The following TBXAS1 variants were observed in gnomAD, a reference collection of about 807,000 sequenced individuals.
TBXAS1 encodes thromboxane-A synthase.
Under a neutral mutation model 60.7 loss-of-function variants are expected in TBXAS1, and 48 were observed. That is an observed-to-expected ratio of 0.79 (90% confidence interval 0.63 to 1.01). The LOEUF (loss-of-function observed/expected upper bound fraction) is 1.01, where lower values mean the gene tolerates loss of function less well. Among genes scored for constraint, TBXAS1 ranks in the 50% least tolerant of loss-of-function variants. The pLI is 0.00. For synonymous variants in TBXAS1, 287 were observed against 269.7 expected (o/e 1.06, Z -0.63); for missense variants, 685 against 686.3 (o/e 1.00, Z 0.02).
intron 4 of TBXAS1, among the ~76,000 whole-genome samples, chr7:139,925,020 T>C (rs1282040997): frequency 6.6e-6 from 1 of 152,230 alleles, no homozygotes; most frequent in Non-Finnish European, 1.5e-5. Flanking sequence ...TCTATGTGTC[T>C]GGTTTTATGC....
intron 4 of TBXAS1, among the ~76,000 whole-genome samples, chr7:139,818,352 C>G (rs1480435116): frequency 6.6e-6 from 1 of 152,148 alleles, no homozygotes; most frequent in African/African-American, 2.4e-5. Context: ...CCAGTACAGA[C>G]AGGGATGGAA....
At chr7:139,875,970 C>A in intron 3 of TBXAS1, 1 of 395,168 alleles carries the variant, frequency 2.5e-6, no homozygotes, top group Non-Finnish European at 4.8e-6. Context: ...TGCCTCAGAG[C>A]ACAAACTGTC....
chr7:139,936,061 T>C (rs1210484449), intron 4 of TBXAS1, 130 bp from the exon 5 acceptor site: 1 of 844,268 alleles, frequency 1.2e-6, no homozygotes, highest in African/African-American at 1.7e-5. Flanking sequence ...TCTCTCTCCT[T>C]GCAAGAGAAA....
At chr7:139,844,004 G>T (rs1799639083) in intron 1 of TBXAS1, among the ~76,000 whole-genome samples, 1 of 152,212 alleles carries the variant, frequency 6.6e-6, no homozygotes, top group Non-Finnish European at 1.5e-5. Flanking sequence ...GGTTTTCTAG[G>T]CTGTGAGCTG....
intron 5 of TBXAS1, among the ~76,000 whole-genome samples, chr7:139,941,725 A>G (rs558022588): frequency 6.6e-6 from 1 of 152,214 alleles, no homozygotes; most frequent in Non-Finnish European, 1.5e-5. Flanking sequence ...GTAGATTTAG[A>G]TTTTCACAGT....
chr7:140,015,806 C>T lies in TBXAS1; in HGVS notation c.1310C>T (p.Ala437Val), dbSNP rs568856853. 81 of 1,613,704 alleles carry T rather than the reference C, an allele frequency of 5.0e-5. No individual in the cohort carries two copies. In the South Asian group the frequency reaches 7.7e-4, roughly 15 times the overall value. ...AGAVLEMAVG[A>V]LHHDPEHWPS... ...GCTGTGCTAGAGATGGCCGTGGGTG[C>T]CCTGCACCATGACCCTGAGCACTGG... Residue 437 changes from alanine to valine, a missense_variant, in exon 11 of 13, where the codon GCC becomes GTC. Ala to Val is a moderately conservative substitution (Grantham distance 64). Coordinates refer to ENST00000448866, the MANE Select transcript of TBXAS1 (RefSeq NM_001061.7).
chr7:140,018,867 TAAG>T (rs1815308313), intron 12 of TBXAS1, among the ~76,000 whole-genome samples: 1 of 152,182 alleles, frequency 6.6e-6, no homozygotes, highest in South Asian at 2.1e-4. Flanking sequence ...AGCAAATGGA[TAAG>T]CAGCCAGAGA....
At chr7:139,840,014 TAGAG>T (rs769927728) in intron 1 of TBXAS1, among the ~76,000 whole-genome samples, 48 of 148,994 alleles carry the variant, frequency 3.2e-4, no homozygotes, top group Non-Finnish European at 5.6e-4. Flanking sequence ...AGATTTCAGA[TAGAG>T]AGTGAGTTAG....
Position 140,018,738 on chromosome 7 carries a change from CT to C in TBXAS1, c.1527+906del, listed in dbSNP as rs375949249. On this transcript the variant is annotated intron_variant, in intron 12 of 12. Coordinates refer to ENST00000448866, the MANE Select transcript of TBXAS1 (RefSeq NM_001061.7). ...ACTTGCCTAAGGCCACACAGCAGGA[CT>C]GCAGGCTTCGTGATGGCAGGGACCC... 3.7e-4 allele frequency among the ~76,000 whole-genome samples: 56 copies of C among 152,384 alleles called. 1 individual carries two copies. The South Asian group carries it at 8.9e-3, about 24-fold the overall frequency.
intron 5 of TBXAS1, among the ~76,000 whole-genome samples, chr7:139,941,329 T>C (rs545458540): frequency 6.6e-6 from 1 of 152,220 alleles, no homozygotes. Context: ...GATGGCGTTG[T>C]CTTCGTTTAT....
At chr7:139,881,370 T>C (rs1182464919) in intron 3 of TBXAS1, among the ~76,000 whole-genome samples, 1 of 152,180 alleles carries the variant, frequency 6.6e-6, no homozygotes. Flanking sequence ...ATTTTTCTAG[T>C]TTCTTTAAAT....
At chr7:139,919,270 AAAC>A (rs1381014179) in intron 4 of TBXAS1, among the ~76,000 whole-genome samples, 1 of 152,218 alleles carries the variant, frequency 6.6e-6, no homozygotes, top group East Asian at 1.9e-4. Flanking sequence ...TGAGAATTAG[AAAC>A]AACGTTTGTA....
At chr7:139,867,560 T>C (rs1801511138) in intron 1 of TBXAS1, among the ~76,000 whole-genome samples, 1 of 152,048 alleles carries the variant, frequency 6.6e-6, no homozygotes, top group African/African-American at 2.4e-5. Context: ...GTTCACACAC[T>C]TTGGAATCCC....
At chr7:139,831,383 A>G (rs895375981) in intron 1 of TBXAS1, among the ~76,000 whole-genome samples, 6 of 152,186 alleles carry the variant, frequency 3.9e-5, no homozygotes, top group Admixed American at 6.5e-5. Context: ...ACTAAGCAAC[A>G]GCCACCAGCT....
intron 5 of TBXAS1, among the ~76,000 whole-genome samples, chr7:139,937,288 T>C (rs1807870125): frequency 6.6e-6 from 1 of 152,172 alleles, no homozygotes; most frequent in South Asian, 2.1e-4. Context: ...GCTTCTGCCA[T>C]CCACCCTGTC....
intron 1 of TBXAS1, among the ~76,000 whole-genome samples, chr7:139,843,586 G>T (rs1049095969): frequency 6.6e-6 from 1 of 151,994 alleles, no homozygotes; most frequent in African/African-American, 2.4e-5. Context: ...CAGGTGATCC[G>T]CCCACCTCGG....
At chr7:139,833,444 T>C (rs1306302008) in intron 1 of TBXAS1, among the ~76,000 whole-genome samples, 1 of 138,380 alleles carries the variant, frequency 7.2e-6, no homozygotes, top group Non-Finnish European at 1.5e-5. Flanking sequence ...GCACTTTGGA[T>C]CACAAGGTCA....
At chr7:139,929,412 A>C (rs1807137121) in intron 4 of TBXAS1, among the ~76,000 whole-genome samples, 1 of 152,084 alleles carries the variant, frequency 6.6e-6, no homozygotes. Flanking sequence ...TAATTTAGTG[A>C]TGGAGTGGGT....
At chr7:139,946,828 T>C (rs1808762056) in intron 5 of TBXAS1, among the ~76,000 whole-genome samples, 1 of 152,222 alleles carries the variant, frequency 6.6e-6, no homozygotes, top group Non-Finnish European at 1.5e-5. Flanking sequence ...GGTTAGGCAA[T>C]GTACCCAAGA....
Sources: gnomAD v4.1 joint callset for allele counts (sites outside exome capture counted in the v4.1 genomes callset) on GRCh38, gnomAD v4.1.1 for gene constraint, MANE v1.5 for transcripts, NCBI Gene and HGNC (gene_info 2026-07-23, HGNC 2026-07-21) for gene names.